The following NTRK3 variants were observed in gnomAD, a reference collection of about 807,000 sequenced individuals.
The protein encoded by NTRK3 is NT-3 growth factor receptor.
In NTRK3, 24 loss-of-function variants were observed where a neutral mutation model predicts 91.7. The ratio of observed to expected loss-of-function variants is 0.26; its 90% CI spans 0.19 to 0.37. The LOEUF (loss-of-function observed/expected upper bound fraction) is 0.37. NTRK3 is among the 10% of genes least tolerant of loss of function. NTRK3 has a pLI of 1.00. For missense variants in NTRK3, 880 were observed against 1,068.9 expected, an observed-to-expected ratio of 0.82 and a Z score of 2.46; for synonymous variants, 483 against 404.0, an observed-to-expected ratio of 1.20 and a Z score of -2.34.
chr15:88,125,853 T>A (rs1474746039), intron 13 of NTRK3, among the ~76,000 whole-genome samples: 1 of 152,308 alleles, frequency 6.6e-6, no homozygotes, highest in Admixed American at 6.5e-5. Context: ...CTACCCTACA[T>A]CTTGCTGTGC....
chr15:87,887,810 A>G (rs1251692453), intron 17 of NTRK3, among the ~76,000 whole-genome samples: 2 of 152,234 alleles, frequency 1.3e-5, no homozygotes, highest in Admixed American at 6.5e-5. Flanking sequence ...TGCTGGCCAC[A>G]GCATGTTACA....
At chr15:87,917,336 A>G (rs1213115420) in intron 17 of NTRK3, among the ~76,000 whole-genome samples, 4 of 152,230 alleles carry the variant, frequency 2.6e-5, no homozygotes, top group African/African-American at 9.6e-5. Flanking sequence ...GGAATCCCAG[A>G]AGATGCACTG....
At chr15:88,080,978 G>C (rs1377860855) in intron 13 of NTRK3, among the ~76,000 whole-genome samples, 1 of 152,262 alleles carries the variant, frequency 6.6e-6, no homozygotes, top group African/African-American at 2.4e-5. Context: ...GTCTCTGAGA[G>C]TCACCATGCT....
At chr15:87,888,504 G>C (rs1260712298) in intron 17 of NTRK3, among the ~76,000 whole-genome samples, 1 of 152,198 alleles carries the variant, frequency 6.6e-6, no homozygotes, top group Non-Finnish European at 1.5e-5. Flanking sequence ...GGCCAAGCCA[G>C]AGAAGCTCAG....
chr15:87,997,581 T>C (rs1424531313), intron 14 of NTRK3, among the ~76,000 whole-genome samples: 3 of 152,182 alleles, frequency 2.0e-5, no homozygotes, highest in Admixed American at 6.5e-5. Flanking sequence ...ATATGAGTTC[T>C]CTTTGGCAGA....
In NTRK3 at chr15:87,881,047, A is replaced by G. The variant is rs144749189; in HGVS notation, c.2134-619T>C. 5.6e-3 allele frequency among the ~76,000 whole-genome samples: 854 copies of G among 152,372 alleles called. 14 individuals are homozygous for G. Among genetic ancestry groups the G allele is most frequent in the East Asian group, 0.032 (164 of 5,184 alleles). ...AGTAAGATCTCAAAGGACAGTAGGG[A>G]GAGTCTTTAAAAATAGCCTAAGGAG... is the stretch of plus-strand genomic sequence containing the variant. On this transcript the variant is annotated intron_variant, in intron 17 of 18. Coordinates refer to ENST00000394480, the Ensembl canonical transcript of NTRK3.
chr15:87,912,931 A>ATAT lies in NTRK3; in HGVS notation c.2133+16259_2133+16260insATA, dbSNP rs1567099538. 4.5e-3 allele frequency among the ~76,000 whole-genome samples: 164 copies of ATAT among 36,348 alleles called. 2 individuals carry two copies. The highest frequency in any genetic ancestry group is 0.022 in the Middle Eastern group (1 of 46). 23.8% of individuals were successfully genotyped at this position (36,348 alleles called of 152,430 possible). A position where few individuals can be genotyped will look rare whatever the true frequency, so the allele number is the denominator to read the frequency against. ...TTCAACTTTTCAAAAAGTAAAAAAA[A>ATAT]ATATATATATATATATATATATATA... is the stretch of plus-strand genomic sequence containing the variant. On this transcript the variant is annotated intron_variant, in intron 17 of 18. Transcript: ENST00000394480.
chr15:87,973,921 G>A (rs537835673), intron 14 of NTRK3, among the ~76,000 whole-genome samples: 1 of 152,156 alleles, frequency 6.6e-6, no homozygotes, highest in Non-Finnish European at 1.5e-5. Flanking sequence ...CAGAGCACAG[G>A]AGTCAGTAAA....
chr15:87,921,336 T>C (rs904027369), intron 17 of NTRK3, among the ~76,000 whole-genome samples: 1 of 152,212 alleles, frequency 6.6e-6, no homozygotes, highest in Non-Finnish European at 1.5e-5. Context: ...CACTTCTTCA[T>C]TGGTGCCTGG....
chr15:88,155,456 T>G (rs1282766298), intron 5 of NTRK3, among the ~76,000 whole-genome samples: 1 of 152,228 alleles, frequency 6.6e-6, no homozygotes, highest in East Asian at 1.9e-4. Flanking sequence ...AGACCCATGT[T>G]GAATTTCTGG....
chr15:88,061,566 G>A (rs936147628), intron 13 of NTRK3, among the ~76,000 whole-genome samples: 4 of 152,260 alleles, frequency 2.6e-5, no homozygotes, highest in Non-Finnish European at 4.4e-5. Flanking sequence ...AACCCATGTG[G>A]CATGCCTGGC....
chr15:88,080,982 C>T (rs934320747), intron 13 of NTRK3, among the ~76,000 whole-genome samples: 1 of 152,250 alleles, frequency 6.6e-6, no homozygotes. Flanking sequence ...CTGAGAGTCA[C>T]CATGCTCAGT....
chr15:88,032,257 C>A (rs1459661871), intron 14 of NTRK3, among the ~76,000 whole-genome samples: 1 of 152,030 alleles, frequency 6.6e-6, no homozygotes, highest in East Asian at 1.9e-4. Context: ...GGGTTGGAAC[C>A]AACAGGAGAG....
chr15:88,107,569 A>T (rs1258252782), intron 13 of NTRK3, among the ~76,000 whole-genome samples: 1 of 151,942 alleles, frequency 6.6e-6, no homozygotes, highest in Non-Finnish European at 1.5e-5. Context: ...CCACACCAGG[A>T]CTCTGTCTCC....
chr15:87,897,447 C>T (rs2066193112), intron 17 of NTRK3, among the ~76,000 whole-genome samples: 1 of 152,064 alleles, frequency 6.6e-6, no homozygotes, highest in African/African-American at 2.4e-5. Context: ...CAAATGGCTC[C>T]ACTGAGGCCT....
intron 13 of NTRK3, among the ~76,000 whole-genome samples, chr15:88,113,313 T>TTC (rs1360926262): frequency 1.2e-5 from 1 of 85,284 alleles, no homozygotes; most frequent in Admixed American, 1.2e-4. Flanking sequence ...ATCAATTTCT[T>TTC]TTTTTTTTTT....
intron 14 of NTRK3, chr15:87,981,132 A>G (rs930555003): frequency 2.6e-6 from 4 of 1,543,822 alleles, no homozygotes; most frequent in Middle Eastern, 2.0e-4. Flanking sequence ...CACGAAATAT[A>G]TGGAGGCTTG....
At chr15:87,885,379 ATGG>A (rs2065478882) in intron 17 of NTRK3, among the ~76,000 whole-genome samples, 2 of 151,920 alleles carry the variant, frequency 1.3e-5, no homozygotes, top group Admixed American at 6.6e-5. Context: ...CCCAAATGAA[ATGG>A]TGTATGGAAA....
exon 19 of NTRK3, chr15:87,872,039 A>G: frequency 4.5e-6 from 1 of 221,782 alleles, no homozygotes; most frequent in Non-Finnish European, 9.0e-6. Flanking sequence ...CAGTGACTTC[A>G]GCACCCAAGC....
Sources: gnomAD v4.1 joint callset for allele counts (sites outside exome capture counted in the v4.1 genomes callset) on GRCh38, gnomAD v4.1.1 for gene constraint, MANE v1.5 for transcripts, NCBI Gene and HGNC (gene_info 2026-07-23, HGNC 2026-07-21) for gene names.